Variants in MYH7B observed in about 807,000 individuals in gnomAD.
MYH7B encodes the protein myosin heavy chain 7B.
MYH7B carries 205 observed loss-of-function variants against 234.5 expected under a neutral mutation model. The observed-to-expected ratio is 0.87, with a 90% CI of 0.78 to 0.98. MYH7B has a LOEUF of 0.98. MYH7B is among the 50% of genes least tolerant of loss of function. MYH7B has a pLI of 0.00. For missense variants in MYH7B, 2,652 were observed against 2,633.4 expected, an observed-to-expected ratio of 1.01 and a Z score of -0.15; for synonymous variants, 1,193 against 1,105.0, an observed-to-expected ratio of 1.08 and a Z score of -1.58.
intron 28 of MYH7B, among the ~76,000 whole-genome samples, chr20:34,996,097 G>A (rs2082250794): frequency 6.6e-6 from 1 of 152,250 alleles, no homozygotes; most frequent in African/African-American, 2.4e-5. Flanking sequence ...ACTGCACATG[G>A]CTGGCATCTG....
intron 43 of MYH7B, 176 bp downstream of exon 43, chr20:35,001,702 C>T: frequency 1.3e-6 from 1 of 790,610 alleles, no homozygotes; most frequent in Non-Finnish European, 2.0e-6. Context: ...ATGGAACAGA[C>T]CCCATGTGCT....
At position 34,997,335 on chromosome 20, in the gene MYH7B, C is replaced by T. The variant is rs1158995416; in HGVS notation, c.3442C>T (p.Arg1148Trp). Residue 1148 changes from arginine to tryptophan, a missense_variant, in exon 32 of 45, where the codon CGG (arginine) becomes TGG (tryptophan). Arg to Trp is a moderately radical substitution (Grantham distance 101). Coordinates refer to ENST00000262873, the Ensembl canonical transcript of MYH7B. ...GGAGAAGCAGCGTGCAGAGGCGGCG[C>T]GGGAGCTGGAGGAGCTGAGCGAGCG... The T allele has an allele frequency of 5.8e-6, 9 of 1,545,476 alleles. No individual in the cohort carries two copies. Among genetic ancestry groups the T allele is most frequent in the Admixed American group, 2.0e-5 (1 of 50,154 alleles).
chr20:34,999,797 C>CT lies in MYH7B; in HGVS notation c.4673dup (p.Glu1559GlyfsTer34). The CT allele has an allele frequency of 7.3e-7, 1 of 1,376,972 alleles. No homozygotes were observed. The highest frequency in any genetic ancestry group is 9.8e-7 in the Non-Finnish European group (1 of 1,023,986). 85.3% of individuals were successfully genotyped at this position (1,376,972 alleles called of 1,614,324 possible). A position where few individuals can be genotyped will look rare whatever the true frequency, so the allele number is the denominator to read the frequency against. On this transcript the variant is annotated frameshift_variant, in exon 38 of 45. Transcript: ENST00000262873. LOFTEE classifies it high-confidence loss of function. ...GCCTGCTCTGTATCCACAGGGGGCC[C>CT]TGGAGCTGGAGGAGACCAAGACGCT...
In MYH7B at chr20:35,000,338, T is replaced by C. The variant is rs767588998; in HGVS notation, c.4827T>C (p.Asp1609=). ...TGGAGTCCCTGCAGGCCTCCCTGGATGCAGAGACACGGGCCCGCAATGAGG... is the reference window on the plus strand; with the variant it reads ...TGGAGTCCCTGCAGGCCTCCCTGGACGCAGAGACACGGGCCCGCAATGAGG... Residue 1609 remains aspartate (D), a synonymous_variant, in exon 39 of 45, where the codon GAT becomes GAC. Transcript: ENST00000262873. 2.6e-5 allele frequency: 41 copies of C among 1,596,406 alleles called. No individual in the cohort carries two copies. Among genetic ancestry groups the C allele is most frequent in the Middle Eastern group, 1.6e-4 (1 of 6,074 alleles).
Position 34,997,193 on chromosome 20 carries a change from G to T in MYH7B, c.3357+20G>T. 6.4e-7 allele frequency: 1 copy of T among 1,551,084 alleles called. No individual in the cohort carries two copies. Among genetic ancestry groups the T allele is most frequent in the Non-Finnish European group, 8.7e-7 (1 of 1,147,738 alleles). On this transcript the variant is annotated intron_variant, in intron 31 of 44. Coordinates refer to ENST00000262873, the Ensembl canonical transcript of MYH7B. ...CTGCAGGTGCGTGGGGATCGGGTGG[G>T]TGAGGCCTGGGGTCAGAGGCCCACA...
chr20:34,999,712 A>G lies in MYH7B; in HGVS notation c.4665+17A>G. The G allele has an allele frequency of 2.5e-6, 4 of 1,611,406 alleles. No homozygotes were observed. In the South Asian group the frequency reaches 4.4e-5, roughly 18 times the overall value. On this transcript the variant is annotated intron_variant, in intron 37 of 44. Transcript: ENST00000262873. The stretch of plus-strand genomic sequence containing the variant: ...GAGGCAGAGGTCAGGGGCTGGCTGC[A>G]GGGGTGGGTGGACACTGACCTGCTG...
In MYH7B at chr20:34,999,140, G is replaced by A. The variant is rs2082318768; in HGVS notation, c.4275G>A (p.Lys1425=). The A allele has an allele frequency of 2.5e-6, 4 of 1,613,768 alleles. No homozygotes were observed. The South Asian group carries it at 4.4e-5, about 18-fold the overall frequency. ...AGTGCTCATCGTTGGAGAAGGCCAA[G>A]CTGCGGCTACAGACAGAGTCAGAGG... The change falls in exon 36 of 45, where the codon AAG becomes AAA. Residue 1425 remains lysine (K), a synonymous_variant. Coordinates refer to ENST00000262873, the Ensembl canonical transcript of MYH7B.
intron 5 of MYH7B, 31 bp downstream of exon 5, chr20:34,978,127 G>A (rs1467289582): frequency 1.9e-6 from 3 of 1,612,834 alleles, no homozygotes; most frequent in Non-Finnish European, 2.5e-6. Context: ...AGGGGTCATA[G>A]CCACAGAGAT....
chr20:34,986,218 AG>A lies in MYH7B; in HGVS notation c.904+25del. ...TGCAGGGTGAGGGGCAGTACGATGA[AG>A]GGGGTGGGAGTCAGAACCTGGAGGG... On this transcript the variant is annotated intron_variant, in intron 14 of 44. Transcript: ENST00000262873. 5 of 1,564,774 alleles carry A rather than the reference AG, an allele frequency of 3.2e-6. No homozygotes were observed. Among genetic ancestry groups the A allele is most frequent in the Non-Finnish European group, 4.3e-6 (5 of 1,150,896 alleles).
chr20:35,002,190 G>A (rs773025016), exon 45 of MYH7B: 23 of 1,537,874 alleles, frequency 1.5e-5, no homozygotes, highest in South Asian at 8.6e-5. Flanking sequence ...AAGGAGTGAC[G>A]GCCTGACCCC....
chr20:34,977,733 G>C, intron 4 of MYH7B, 53 bp downstream of exon 4: 1 of 880,496 alleles, frequency 1.1e-6, no homozygotes, highest in Non-Finnish European at 1.8e-6. Context: ...AGGGTGGGCG[G>C]GTGGGTGAGG....
exon 7 of MYH7B, chr20:34,979,711 C>A (rs752263550): frequency 6.2e-7 from 1 of 1,614,186 alleles, no homozygotes; most frequent in Non-Finnish European, 8.5e-7. Context: ...CGCCTCGCTT[C>A]GACTTACTGG....
chr20:35,002,102 G>A lies in MYH7B; in HGVS notation c.5814+17G>A, dbSNP rs1214812074. 1.2e-6 allele frequency: 2 copies of A among 1,612,632 alleles called. No individual in the cohort carries two copies. Among genetic ancestry groups the A allele is most frequent in the Non-Finnish European group, 1.7e-6 (2 of 1,179,814 alleles). ...GGCCCCAAGGTGAGGAGTGGCAGGG[G>A]CATTGCTCTCTGTGCAGGGGGACTG... On this transcript the variant is annotated intron_variant, in intron 44 of 44. Transcript: ENST00000262873.
chr20:34,993,254 C>A (rs371727475), intron 25 of MYH7B, 29 bp downstream of exon 25: 1 of 1,614,050 alleles, frequency 6.2e-7, no homozygotes, highest in Non-Finnish European at 8.5e-7. Context: ...CAGGGCTGGC[C>A]ATGGCTGTGG....
At chr20:34,987,620 A>G in exon 17 of MYH7B, 4 of 1,613,866 alleles carry the variant, frequency 2.5e-6, no homozygotes, top group Non-Finnish European at 3.4e-6. Context: ...GGCCTTTTGC[A>G]CCCCCGGGTG....
In MYH7B at chr20:35,001,301, T is replaced by TA; in HGVS notation, c.5534dup (p.Val1847ArgfsTer5). The TA allele has an allele frequency of 6.2e-7, 1 of 1,612,962 alleles. No homozygotes were observed. Among genetic ancestry groups the TA allele is most frequent in the Non-Finnish European group, 8.5e-7 (1 of 1,179,620 alleles). ...AGCAGAAGAAGCACGCCGAGGCCCT[T>TA]AAGGGCGTGCGCAAGCATGAGCGCC... On this transcript the variant is annotated frameshift_variant, in exon 42 of 45. Transcript: ENST00000262873. LOFTEE classifies it high-confidence loss of function.
intron 2 of MYH7B, among the ~76,000 whole-genome samples, chr20:34,962,164 C>G (rs2081704297): frequency 6.6e-6 from 1 of 152,136 alleles, no homozygotes; most frequent in African/African-American, 2.4e-5. Flanking sequence ...TAGGTCAAGG[C>G]TGCAGGGACC....
intron 9 of MYH7B, chr20:34,981,300 GC>G: frequency 2.1e-6 from 1 of 480,730 alleles, no homozygotes; most frequent in South Asian, 2.9e-5. Flanking sequence ...GTGACCACCA[GC>G]CCCACACCTC....
chr20:34,979,702 G>T, exon 7 of MYH7B: 1 of 1,614,156 alleles, frequency 6.2e-7, no homozygotes, highest in Non-Finnish European at 8.5e-7. Context: ...CCATGAACCC[G>T]CCTCGCTTCG....
Sources: allele counts gnomAD v4.1 joint callset (sites outside exome capture counted in the v4.1 genomes callset), GRCh38; gene constraint gnomAD v4.1.1; transcripts MANE v1.5; gene names NCBI Gene and HGNC (gene_info 2026-07-23, HGNC 2026-07-21).